Variants in FADS2 observed in about 807,000 individuals in gnomAD.
FADS2 encodes acyl-CoA 6-desaturase.
In FADS2, 18 loss-of-function variants were observed where a neutral mutation model predicts 61.2. That is an observed-to-expected ratio of 0.29 (90% CI 0.20 to 0.44). FADS2 has a LOEUF of 0.44. FADS2 is among the 20% of genes least tolerant of loss of function. FADS2 has a pLI of 1.00. For synonymous variants in FADS2, 203 were observed against 223.9 expected, an observed-to-expected ratio of 0.91 and a Z score of 0.83; for missense variants, 322 against 572.7, an observed-to-expected ratio of 0.56 and a Z score of 4.47.
rs2067365600 is a variant in FADS2 at position 61,857,052 on chromosome 11, G to A, written c.786G>A (p.Gln262=). Reference sequence around the variant, plus strand: ...TGAAATACCTGCCCTACAATCACCAGCACGAATACTTCTTCCTGAGTGAGT... The same window carrying A: ...TGAAATACCTGCCCTACAATCACCAACACGAATACTTCTTCCTGAGTGAGT... ...KKLKYLPYNH[Q]HEYFFLIGPP... The change falls in exon 6 of 12, where the codon CAG becomes CAA. Residue 262 remains glutamine, a synonymous_variant. Transcript: ENST00000278840. 1 of 1,613,880 alleles carries A rather than the reference G, an allele frequency of 6.2e-7. No homozygotes were observed. The highest frequency in any genetic ancestry group is 1.7e-5 in the Admixed American group (1 of 59,996).
At chr11:61,838,282 C>G (rs1462985154) in intron 2 of FADS2, among the ~76,000 whole-genome samples, 1 of 152,152 alleles carries the variant, frequency 6.6e-6, no homozygotes, top group Non-Finnish European at 1.5e-5. Context: ...GTCATCTGTT[C>G]ATTGTCTGCA....
intron 7 of FADS2, among the ~76,000 whole-genome samples, chr11:61,859,733 T>TTGCTGGGCGCAGTCA (rs2067396978): frequency 1.6e-5 from 2 of 124,498 alleles, no homozygotes; most frequent in Non-Finnish European, 3.3e-5. Flanking sequence ...ATGCTTGTTA[T>TTGCTGGGCGCAGTCA]CCCAGCACTT....
At chr11:61,850,067 T>C (rs184442848) in intron 5 of FADS2, among the ~76,000 whole-genome samples, 109 of 152,140 alleles carry the variant, frequency 7.2e-4, no homozygotes, top group African/African-American at 2.6e-3. Context: ...AAATTCTACC[T>C]TGTATCCTGC....
chr11:61,836,243 G>A (rs1253532939), intron 1 of FADS2, among the ~76,000 whole-genome samples: 2 of 151,978 alleles, frequency 1.3e-5, no homozygotes, highest in East Asian at 1.9e-4. Context: ...GATTACAGGC[G>A]TGCGCCGCTA....
chr11:61,860,361 A>G (rs174610), intron 7 of FADS2, among the ~76,000 whole-genome samples: 77,394 of 152,016 alleles, frequency 0.51, 20,379 homozygotes, highest in Admixed American at 0.62. Flanking sequence ...TCCCGGGGAG[A>G]TTTACATGCT....
At chr11:61,819,163 C>T (rs187748877) in intron 1 of FADS2, among the ~76,000 whole-genome samples, 3 of 151,898 alleles carry the variant, frequency 2.0e-5, no homozygotes, top group Non-Finnish European at 4.4e-5. Context: ...CGTGAGCCAC[C>T]GCACCCGGCC....
intron 5 of FADS2, among the ~76,000 whole-genome samples, chr11:61,853,618 TCTGA>T (rs1301339499): frequency 6.6e-6 from 1 of 152,048 alleles, no homozygotes. Context: ...CCTCTGCTGC[TCTGA>T]CTGTCTGAAG....
At position 61,835,024 on chromosome 11, in the gene FADS2, CCTCCCTGCCTCCCCAGGGACTT is replaced by C. The variant is rs66698963; in HGVS notation, c.208-2713_208-2692del. ...TCCTCCCTGCCTGCCCCCAGGGCCT[CCTCCCTGCCTCCCCAGGGACTT>C]CTCCCTGCCTCCCCAGGGACTTCTC... is the stretch of plus-strand genomic sequence containing the variant. On this transcript the variant is annotated intron_variant, in intron 1 of 11. Transcript: ENST00000278840. Among the ~76,000 whole-genome samples, 77,337 of 137,130 alleles carry C rather than the reference CCTCCCTGCCTCCCCAGGGACTT, an allele frequency of 0.56. 24,100 individuals carry two copies. Among genetic ancestry groups the C allele is most frequent in the Middle Eastern group, 0.75 (203 of 270 alleles). The allele number at this position is 137,130 out of a possible 152,430, so 90.0% of individuals were successfully genotyped here. A position where few individuals can be genotyped will look rare whatever the true frequency, so the allele number is the denominator to read the frequency against.
At chr11:61,850,052 CA>C (rs1591175187) in intron 5 of FADS2, among the ~76,000 whole-genome samples, 1 of 151,904 alleles carries the variant, frequency 6.6e-6, no homozygotes, top group African/African-American at 2.4e-5. Flanking sequence ...AAATAAAAAA[CA>C]AAAAAATTCT....
upstream of FADS2, among the ~76,000 whole-genome samples, chr11:61,824,502 GGAAAGAAA>G (rs1555073325): frequency 1.8e-4 from 4 of 21,688 alleles, no homozygotes; most frequent in African/African-American, 5.6e-4. Flanking sequence ...AAGAAAGAAA[GGAAAGAAA>G]GAAAGAAAGA....
At position 61,865,011 on chromosome 11, in the gene FADS2, G is replaced by A. The variant is rs942470635; in HGVS notation, c.1158-141G>A. ...GTGGCACCCCACTGGGCACACACGA[G>A]GAGCCACACTTTGAGACTGGTCCTG... On this transcript the variant is annotated intron_variant, in intron 10 of 11. Coordinates refer to ENST00000278840, the MANE Select transcript of FADS2 (RefSeq NM_004265.4). This position sits in a 1 kb window ranked among gnomAD's most constrained non-coding sequence, Gnocchi z 4.1. The A allele has an allele frequency of 2.0e-6, 2 of 998,328 alleles. No homozygotes were observed. Among genetic ancestry groups the A allele is most frequent in the Non-Finnish European group, 3.0e-6 (2 of 677,066 alleles). 61.8% of individuals were successfully genotyped at this position (998,328 alleles called of 1,614,324 possible).
chr11:61,818,581 A>G (rs2067009006), intron 1 of FADS2, among the ~76,000 whole-genome samples: 1 of 152,222 alleles, frequency 6.6e-6, no homozygotes, highest in Non-Finnish European at 1.5e-5. Context: ...GCTTATTGGG[A>G]TCTGTTAACA....
intron 1 of FADS2, among the ~76,000 whole-genome samples, chr11:61,833,988 A>T (rs1300424580): frequency 6.6e-6 from 1 of 152,214 alleles, no homozygotes; most frequent in Non-Finnish European, 1.5e-5. Flanking sequence ...CGGGGGACGC[A>T]GGCCATAAAC....
chr11:61,819,573 A>G (rs907112646), intron 1 of FADS2, among the ~76,000 whole-genome samples: 1 of 152,244 alleles, frequency 6.6e-6, no homozygotes, highest in Non-Finnish European at 1.5e-5. Flanking sequence ...AACTATTTAT[A>G]AACAAAAAAT....
chr11:61,828,236 G>C (rs964790276), upstream of FADS2: 180 of 1,435,974 alleles, frequency 1.3e-4, 1 homozygote, highest in Non-Finnish European at 1.2e-4. This position sits in a 1 kb window ranked among gnomAD's most constrained non-coding sequence, Gnocchi z 6.4. Context: ...CGAGAAGGCT[G>C]GGGGAGGGGG....
intron 1 of FADS2, chr11:61,821,330 G>C (rs1388514708): frequency 1.4e-6 from 1 of 692,350 alleles, no homozygotes; most frequent in African/African-American, 1.8e-5. Flanking sequence ...GACCAGCCTA[G>C]ACAACATAGT....
chr11:61,831,074 G>C lies in FADS2; in HGVS notation c.207+2477G>C, dbSNP rs563024897. Among the ~76,000 whole-genome samples, 271 of 152,268 alleles carry C rather than the reference G, an allele frequency of 1.8e-3. 1 individual carries two copies. Among genetic ancestry groups the C allele is most frequent in the Middle Eastern group, 3.4e-3 (1 of 294 alleles). On this transcript the variant is annotated intron_variant, in intron 1 of 11. Transcript: ENST00000278840. ...TTGAATGATGGTGATGATGGAGTGA[G>C]CAGCTGGGTTCTCTTTGTTTTGTTT...
Position 61,828,812 on chromosome 11 carries a change from C to A in FADS2, c.207+215C>A. The A allele has an allele frequency of 3.6e-6, 2 of 548,502 alleles. No individual in the cohort carries two copies. The highest frequency in any genetic ancestry group is 6.5e-6 in the Non-Finnish European group (2 of 308,044). 34.0% of individuals were successfully genotyped at this position (548,502 alleles called of 1,614,324 possible). A position where few individuals can be genotyped will look rare whatever the true frequency, so the allele number is the denominator to read the frequency against. On this transcript the variant is annotated intron_variant, in intron 1 of 11. Coordinates refer to ENST00000278840, the MANE Select transcript of FADS2 (RefSeq NM_004265.4). This position sits in a 1 kb window ranked among gnomAD's most constrained non-coding sequence, Gnocchi z 6.4. ...AGACCGGATCTGGGACCCGGGGAGG[C>A]GGCGCTGCGGTGAAAGTCCCAGCGG...
intron 4 of FADS2, among the ~76,000 whole-genome samples, chr11:61,844,498 G>A (rs565992397): frequency 3.3e-5 from 5 of 152,066 alleles, no homozygotes; most frequent in South Asian, 2.1e-4. Flanking sequence ...GCAGTGAGCC[G>A]AGATCGTGCC....
Sources: gnomAD v4.1 joint callset for allele counts (sites outside exome capture counted in the v4.1 genomes callset) on GRCh38, gnomAD v4.1.1 for gene constraint, Gnocchi (gnomAD v3.1) non-coding constraint, MANE v1.5 for transcripts, NCBI Gene and HGNC (gene_info 2026-07-23, HGNC 2026-07-21) for gene names.